The following STXBP3 variants were observed in gnomAD, a reference collection of about 807,000 sequenced individuals.
STXBP3 encodes syntaxin binding protein 3, also known as syntaxin-binding protein 3.
A neutral mutation model predicts 85.7 loss-of-function variants in STXBP3; 41 were observed. That is an observed-to-expected ratio of 0.48 (90% confidence interval 0.37 to 0.62). The LOEUF (loss-of-function observed/expected upper bound fraction) is 0.62, where lower values mean the gene tolerates loss of function less well. Among genes scored for constraint, STXBP3 ranks in the 20% least tolerant of loss-of-function variants. STXBP3 has a pLI of 0.00. For synonymous variants in STXBP3, 229 were observed against 231.7 expected (o/e 0.99, Z 0.10); for missense variants, 563 against 703.1 (o/e 0.80, Z 2.25).
At chr1:108,803,975 A>G (rs1277038) in intron 17 of STXBP3, among the ~76,000 whole-genome samples, 43,733 of 152,056 alleles carry the variant, frequency 0.29, 7,262 homozygotes, top group East Asian at 0.77. Context: ...GTACCTTTGT[A>G]AATAATTAAC....
intron 11 of STXBP3, among the ~76,000 whole-genome samples, chr1:108,783,864 C>T (rs149083733): frequency 9.2e-4 from 140 of 152,216 alleles, no homozygotes; most frequent in African/African-American, 3.2e-3. Context: ...TTTCATTGCA[C>T]GAGATGGTAT....
chr1:108,806,335 C>T (rs1312265647), intron 17 of STXBP3, among the ~76,000 whole-genome samples: 1 of 152,124 alleles, frequency 6.6e-6, no homozygotes, highest in Non-Finnish European at 1.5e-5. Flanking sequence ...TTTCTTATTT[C>T]ATTTAATTTC....
chr1:108,768,092 A>C (rs1012290055), intron 6 of STXBP3, among the ~76,000 whole-genome samples: 1 of 152,208 alleles, frequency 6.6e-6, no homozygotes, highest in African/African-American at 2.4e-5. Context: ...TTGTTGGAGA[A>C]GCATCTTGTA....
chr1:108,763,016 G>T (rs986331492), intron 6 of STXBP3, among the ~76,000 whole-genome samples: 5 of 152,190 alleles, frequency 3.3e-5, no homozygotes, highest in African/African-American at 1.2e-4. Context: ...GACAGGTTAG[G>T]ACACAATCAC....
chr1:108,764,907 C>T (rs867061860), intron 6 of STXBP3, among the ~76,000 whole-genome samples: 1 of 152,248 alleles, frequency 6.6e-6, no homozygotes, highest in Admixed American at 6.5e-5. Context: ...TCGGTTGTTG[C>T]TTTTGTTGCA....
rs776625210 is a variant in STXBP3, at chr1:108,782,499, A to G, written c.887A>G (p.His296Arg). ...CTCTGGGTTAGAATTCGACATCGAC[A>G]TATTGCGGTTGTGTTAGAGTATGTG... ...DDLWVRIRHR[H>R]IAVVLEEIPK... The change falls in exon 10 of 19, where the codon CAT becomes CGT. Residue 296 changes from histidine to arginine, a missense_variant. Coordinates refer to ENST00000370008, the MANE Select transcript of STXBP3 (RefSeq NM_007269.4). The G allele has an allele frequency of 1.9e-6, 3 of 1,613,628 alleles. No homozygotes were observed. Among genetic ancestry groups the G allele is most frequent in the Admixed American group, 1.7e-5 (1 of 59,958 alleles).
At chr1:108,750,206 T>A (rs1409094494) in intron 1 of STXBP3, among the ~76,000 whole-genome samples, 2 of 152,090 alleles carry the variant, frequency 1.3e-5, no homozygotes, top group African/African-American at 4.8e-5. Flanking sequence ...CAAGCAAATG[T>A]CTTCAATTTT....
At chr1:108,781,477 A>G (rs1307704337) in intron 9 of STXBP3, 3 of 152,154 alleles carry the variant, frequency 2.0e-5, no homozygotes, top group South Asian at 4.1e-4. Flanking sequence ...CCCATTTTGA[A>G]TAGCTTCATG....
chr1:108,784,961 T>C (rs1662793918), intron 11 of STXBP3, among the ~76,000 whole-genome samples: 1 of 152,174 alleles, frequency 6.6e-6, no homozygotes, highest in Admixed American at 6.5e-5. Flanking sequence ...AAAAGGTGGG[T>C]TCCCATGGCC....
At chr1:108,786,612 T>G (rs1326609892) in intron 11 of STXBP3, among the ~76,000 whole-genome samples, 2 of 152,264 alleles carry the variant, frequency 1.3e-5, no homozygotes, top group East Asian at 3.8e-4. Flanking sequence ...TGTGTGGGTC[T>G]GTGGACTCCA....
At chr1:108,770,002 A>C (rs1662349485) in intron 6 of STXBP3, among the ~76,000 whole-genome samples, 1 of 152,158 alleles carries the variant, frequency 6.6e-6, no homozygotes, top group Non-Finnish European at 1.5e-5. Context: ...TTCTACATAC[A>C]TTCCAGGCTG....
Position 108,759,967 on chromosome 1 carries a change from G to GTT in STXBP3, c.338-10_338-9dup. On this transcript the variant is annotated splice_polypyrimidine_tract_variant and intron_variant, in intron 5 of 18. Transcript: ENST00000370008. The stretch of plus-strand genomic sequence containing the variant: ...AAATCTAGATGTAACTATATGCTTT[G>GTT]TTTTTTTTTCCCCTCAGTTTGCCCT... 5 of 1,418,758 alleles carry GTT rather than the reference G, an allele frequency of 3.5e-6. No individual in the cohort carries two copies. The highest frequency in any genetic ancestry group is 2.5e-5 in the East Asian group (1 of 40,592). The allele number at this position is 1,418,758 out of a possible 1,614,324, so 87.9% of individuals were successfully genotyped here. A position where few individuals can be genotyped will look rare whatever the true frequency, so the allele number is the denominator to read the frequency against.
At chr1:108,777,956 G>A (rs1301995499) in intron 8 of STXBP3, among the ~76,000 whole-genome samples, 5 of 152,044 alleles carry the variant, frequency 3.3e-5, no homozygotes, top group Non-Finnish European at 7.4e-5. Flanking sequence ...AACCTTTTCA[G>A]TCATCTTATA....
rs59615177 is a variant in STXBP3 at position 108,795,491 on chromosome 1, T to TA, written c.1110+596dup. On this transcript the variant is annotated intron_variant, in intron 13 of 18. Coordinates refer to ENST00000370008, the MANE Select transcript of STXBP3 (RefSeq NM_007269.4). ...CAGCCTGGGCAAGACCCTGTCTCTT[T>TA]AAAAAAAAAAAAGAAAAAAAAAACT... 5.0e-3 allele frequency among the ~76,000 whole-genome samples: 690 copies of TA among 139,184 alleles called. 4 individuals carry two copies. Among genetic ancestry groups the TA allele is most frequent in the African/African-American group, 9.3e-3 (351 of 37,928 alleles). 91.3% of individuals were successfully genotyped at this position (139,184 alleles called of 152,430 possible).
At chr1:108,776,457 A>G (rs969647867) in intron 8 of STXBP3, 34 bp downstream of exon 8, 2 of 1,496,484 alleles carry the variant, frequency 1.3e-6, no homozygotes, top group Non-Finnish European at 1.8e-6. Flanking sequence ...GACTATGCAT[A>G]AAGTCTGTCT....
chr1:108,787,023 T>C (rs980607691), intron 11 of STXBP3, among the ~76,000 whole-genome samples: 12 of 152,216 alleles, frequency 7.9e-5, no homozygotes, highest in Admixed American at 7.9e-4. Flanking sequence ...GTGTTATAAA[T>C]GGTATTTTTT....
At position 108,758,584 on chromosome 1, in the gene STXBP3, T is replaced by C. The variant is rs746950573; in HGVS notation, c.333T>C (p.Thr111=). The change falls in exon 5 of 19, where the codon ACT becomes ACC. Residue 111 remains threonine, a synonymous_variant. Transcript: ENST00000370008. ...ATAAAGCAGCATATATTTACTTCAC[T>C]GACTGTAAGTCTTTTAAAAAGTTAT... is the stretch of plus-strand genomic sequence containing the variant. ...NKYKAAYIYF[T]DFCPDNLFNK... 6 of 1,497,406 alleles carry C rather than the reference T, an allele frequency of 4.0e-6. No homozygotes were observed. The highest frequency in any genetic ancestry group is 5.4e-6 in the Non-Finnish European group (6 of 1,110,510). 92.8% of individuals were successfully genotyped at this position (1,497,406 alleles called of 1,614,324 possible).
chr1:108,778,616 TG>T (rs1662639846), intron 8 of STXBP3, among the ~76,000 whole-genome samples: 4 of 152,180 alleles, frequency 2.6e-5, no homozygotes, highest in Non-Finnish European at 4.4e-5. Context: ...AAGAATTAAA[TG>T]AAATAGTCCA....
At position 108,805,071 on chromosome 1, in the gene STXBP3, ATTATCT is replaced by A. The variant is rs896121217; in HGVS notation, c.1536-2325_1536-2320del. On this transcript the variant is annotated intron_variant, in intron 17 of 18. Coordinates refer to ENST00000370008, the MANE Select transcript of STXBP3 (RefSeq NM_007269.4). ...GAAGTTTTCAGGATCTAGGGATTTA[ATTATCT>A]TTATATCTCTCAGTCTTCACATGTG... is the stretch of plus-strand genomic sequence containing the variant. Among the ~76,000 whole-genome samples, 11 of 152,332 alleles carry A rather than the reference ATTATCT, an allele frequency of 7.2e-5. No individual in the cohort carries two copies. The East Asian group carries it at 2.1e-3, about 29-fold the overall frequency.
Sources: allele counts gnomAD v4.1 joint callset (sites outside exome capture counted in the v4.1 genomes callset), GRCh38; gene constraint gnomAD v4.1.1; transcripts MANE v1.5; gene names NCBI Gene and HGNC (gene_info 2026-07-23, HGNC 2026-07-21).